ARL15: variants seen among roughly 807,000 people sequenced by gnomAD.
ARL15 encodes ARF like GTPase 15, also known as ADP-ribosylation factor-like protein 15.
ARL15 carries 19 observed loss-of-function variants against 25.2 expected under a neutral mutation model. That is an observed-to-expected ratio of 0.75 (90% CI 0.53 to 1.10). The LOEUF (loss-of-function observed/expected upper bound fraction) is 1.10, where lower values mean the gene tolerates loss of function less well. Ranked by LOEUF, ARL15 falls within the 50% of genes least tolerant of loss-of-function variation. ARL15 has a pLI of 0.00. For missense variants in ARL15, 220 were observed against 246.0 expected, an observed-to-expected ratio of 0.89 and a Z score of 0.71; for synonymous variants, 94 against 86.8, an observed-to-expected ratio of 1.08 and a Z score of -0.46.
chr5:53,941,275 C>G (rs1470023144), intron 4 of ARL15, among the ~76,000 whole-genome samples: 1 of 151,934 alleles, frequency 6.6e-6, no homozygotes, highest in Non-Finnish European at 1.5e-5. Context: ...TGCCTGCAAT[C>G]CTTTAAAAAA....
chr5:54,101,367 A>T (rs1752433345), intron 4 of ARL15, among the ~76,000 whole-genome samples: 1 of 152,160 alleles, frequency 6.6e-6, no homozygotes, highest in Admixed American at 6.5e-5. Flanking sequence ...CATTTTTAAC[A>T]GATGAAATTA....
At chr5:53,977,972 C>T (rs2111570538) in intron 4 of ARL15, among the ~76,000 whole-genome samples, 1 of 152,130 alleles carries the variant, frequency 6.6e-6, no homozygotes, top group Admixed American at 6.5e-5. Context: ...GGCTTTTCGC[C>T]TATAATAGGA....
intron 4 of ARL15, among the ~76,000 whole-genome samples, chr5:53,939,604 G>A (rs1010182231): frequency 1.3e-5 from 2 of 151,946 alleles, no homozygotes; most frequent in African/African-American, 4.8e-5. Context: ...GCGTGGTGGG[G>A]CGCGCCTGTA....
At chr5:53,994,607 G>A (rs931390028) in intron 4 of ARL15, among the ~76,000 whole-genome samples, 1 of 152,126 alleles carries the variant, frequency 6.6e-6, no homozygotes, top group African/African-American at 2.4e-5. Context: ...TGAGGAAAAT[G>A]AAATTGTATT....
At chr5:54,138,331 A>G (rs1181094045) in intron 3 of ARL15, among the ~76,000 whole-genome samples, 1 of 152,168 alleles carries the variant, frequency 6.6e-6, no homozygotes, top group Non-Finnish European at 1.5e-5. Flanking sequence ...AAAAATAAAA[A>G]TTACCAATGG....
intron 4 of ARL15, among the ~76,000 whole-genome samples, chr5:53,983,487 T>A (rs1369199428): frequency 6.6e-6 from 1 of 152,202 alleles, no homozygotes; most frequent in African/African-American, 2.4e-5. Context: ...ATCTCAGCAA[T>A]GTCACTTTCA....
At chr5:54,141,727 C>T (rs1229186885) in intron 3 of ARL15, among the ~76,000 whole-genome samples, 1 of 152,088 alleles carries the variant, frequency 6.6e-6, no homozygotes, top group Non-Finnish European at 1.5e-5. Context: ...TTCTCCCACT[C>T]CCAGGCAATC....
chr5:54,274,255 G>A (rs553483708), intron 1 of ARL15, among the ~76,000 whole-genome samples: 1 of 152,290 alleles, frequency 6.6e-6, no homozygotes, highest in South Asian at 2.1e-4. Flanking sequence ...CACCCAAGGG[G>A]ACTTGTGCTG....
At chr5:54,203,783 G>T (rs1288482045) in intron 1 of ARL15, among the ~76,000 whole-genome samples, 1 of 152,132 alleles carries the variant, frequency 6.6e-6, no homozygotes, top group Non-Finnish European at 1.5e-5. Flanking sequence ...GTAATCCAAA[G>T]TGAACTGAGG....
intron 1 of ARL15, among the ~76,000 whole-genome samples, chr5:54,269,897 G>A (rs1402973209): frequency 2.0e-5 from 3 of 152,100 alleles, no homozygotes; most frequent in East Asian, 1.9e-4. Flanking sequence ...CACCTGCCTC[G>A]GTCTCCCAAA....
At chr5:54,292,953 T>C (rs1337875549) in intron 1 of ARL15, among the ~76,000 whole-genome samples, 4 of 152,164 alleles carry the variant, frequency 2.6e-5, no homozygotes, top group East Asian at 1.9e-4. Flanking sequence ...ATTCAAGAAA[T>C]ACTTTTAAGT....
chr5:53,926,949 T>TA (rs76965646), intron 4 of ARL15, among the ~76,000 whole-genome samples: 36 of 136,206 alleles, frequency 2.6e-4, no homozygotes, highest in South Asian at 1.9e-3. Flanking sequence ...CCTTTTTTTT[T>TA]AAAAAAAAAA....
At chr5:53,972,791 C>T (rs71619988) in intron 4 of ARL15, among the ~76,000 whole-genome samples, 1 of 152,044 alleles carries the variant, frequency 6.6e-6, no homozygotes, top group African/African-American at 2.4e-5. Flanking sequence ...GTCTCACCCT[C>T]CAATATCGGT....
chr5:54,208,554 T>C (rs1173038302), intron 1 of ARL15, among the ~76,000 whole-genome samples: 1 of 152,146 alleles, frequency 6.6e-6, no homozygotes, highest in Non-Finnish European at 1.5e-5. Flanking sequence ...ATCAAAACAA[T>C]GATGCTGCTC....
intron 4 of ARL15, among the ~76,000 whole-genome samples, chr5:54,053,298 C>T (rs1394320652): frequency 6.6e-6 from 1 of 152,076 alleles, no homozygotes; most frequent in Non-Finnish European, 1.5e-5. Flanking sequence ...TGAGTCTCTA[C>T]TGACATAAGT....
At chr5:54,232,293 G>C (rs1173171322) in intron 1 of ARL15, among the ~76,000 whole-genome samples, 1 of 152,108 alleles carries the variant, frequency 6.6e-6, no homozygotes, top group African/African-American at 2.4e-5. Context: ...GAGGCTGTCT[G>C]TTCACGGCTG....
At chr5:54,007,799 A>G (rs1749095644) in intron 4 of ARL15, among the ~76,000 whole-genome samples, 1 of 152,222 alleles carries the variant, frequency 6.6e-6, no homozygotes, top group South Asian at 2.1e-4. Context: ...AAGAAGATAC[A>G]TAAGCCTGAG....
intron 1 of ARL15, among the ~76,000 whole-genome samples, chr5:54,183,731 C>T (rs1440473281): frequency 1.3e-5 from 2 of 149,806 alleles, no homozygotes; most frequent in East Asian, 2.0e-4. Flanking sequence ...ACCATTTGAC[C>T]CAGCCATCCC....
At chr5:54,173,319 T>C (rs891154937) in intron 1 of ARL15, among the ~76,000 whole-genome samples, 1 of 152,056 alleles carries the variant, frequency 6.6e-6, no homozygotes, top group Non-Finnish European at 1.5e-5. Context: ...TGCCAGCTTA[T>C]AGAGCCTGAA....
Sources: gnomAD v4.1 joint callset for allele counts (sites outside exome capture counted in the v4.1 genomes callset) on GRCh38, gnomAD v4.1.1 for gene constraint, MANE v1.5 for transcripts, NCBI Gene and HGNC (gene_info 2026-07-23, HGNC 2026-07-21) for gene names.